PLA2G5: variants seen among roughly 807,000 people sequenced by gnomAD.
PLA2G5 encodes the protein phospholipase A2 group V, also known as Ca2+-dependent phospholipase A2.
PLA2G5 carries 12 observed loss-of-function variants against 15.9 expected under a neutral mutation model. The observed-to-expected ratio is 0.76, with a 90% CI of 0.48 to 1.23. The LOEUF is 1.23. Among genes scored for constraint, PLA2G5 ranks in the 50% most tolerant of loss-of-function variants. The pLI, the probability that PLA2G5 is intolerant of heterozygous loss-of-function variation, is 0.00. For synonymous variants in PLA2G5, 71 were observed against 71.4 expected (o/e 0.99, Z 0.03); for missense variants, 169 against 177.1 (o/e 0.95, Z 0.26).
chr1:20,088,472 T>G (rs1476836676), intron 3 of PLA2G5, among the ~76,000 whole-genome samples: 1 of 137,144 alleles, frequency 7.3e-6, no homozygotes, highest in Non-Finnish European at 1.5e-5. Flanking sequence ...AATTATGGCT[T>G]TTTTTTTTTT....
rs1401778121 is a variant in PLA2G5, at chr1:20,086,160, AAC to A, written c.119_120del (p.Asn40IlefsTer28). On this transcript the variant is annotated frameshift_variant, in exon 3 of 5. Transcript: ENST00000375108. LOFTEE classifies it high-confidence loss of function. ...EKVTGKNALT[N>X]YGFYGCYCGW... The stretch of plus-strand genomic sequence containing the variant: ...GGTGACAGGGAAGAACGCCCTGACA[AAC>A]TACGGCTTCTACGGCTGTTACTGCG... 2 of 1,614,116 alleles carry A rather than the reference AAC, an allele frequency of 1.2e-6. No homozygotes were observed. The highest frequency in any genetic ancestry group is 1.7e-6 in the Non-Finnish European group (2 of 1,180,000).
intron 3 of PLA2G5, among the ~76,000 whole-genome samples, chr1:20,087,210 T>C (rs2016335266): frequency 6.6e-6 from 1 of 152,134 alleles, no homozygotes; most frequent in South Asian, 2.1e-4. Flanking sequence ...GAGAAAATGG[T>C]GTTTCCTCTG....
At chr1:20,085,614 G>C (rs1387740671) in intron 2 of PLA2G5, among the ~76,000 whole-genome samples, 1 of 152,184 alleles carries the variant, frequency 6.6e-6, no homozygotes, top group African/African-American at 2.4e-5. Context: ...GGGGAAGAGG[G>C]ATGTATTGCC....
At chr1:20,084,123 A>T (rs2016168743) in intron 1 of PLA2G5, among the ~76,000 whole-genome samples, 1 of 152,124 alleles carries the variant, frequency 6.6e-6, no homozygotes, top group Admixed American at 6.5e-5. Flanking sequence ...CTACAAAGGC[A>T]AAAGCGCTTG....
chr1:20,060,270 T>TG lies in PLA2G5; in HGVS notation n.337+578_337+579insG, dbSNP rs1287977420. 1.6e-3 allele frequency among the ~76,000 whole-genome samples: 223 copies of TG among 135,224 alleles called. No individual in the cohort carries two copies. The South Asian group carries it at 0.024, about 15-fold the overall frequency. The allele number at this position is 135,224 out of a possible 152,430, so 88.7% of individuals were successfully genotyped here. On this transcript the variant is annotated intron_variant and non_coding_transcript_variant, in intron 2 of 6. Transcript: ENST00000460175. ...TTCTTTTTTTTTTTTTTTTTTTTTTTTGAGACAGAGTCTCACTCTGTCACC... is the reference window on the plus strand; with the variant it reads ...TTCTTTTTTTTTTTTTTTTTTTTTTTGTGAGACAGAGTCTCACTCTGTCACC...
At chr1:20,068,634 A>T (rs1365428661), upstream of PLA2G5, among the ~76,000 whole-genome samples, 2 of 151,936 alleles carry the variant, frequency 1.3e-5, no homozygotes, top group Non-Finnish European at 1.5e-5. Flanking sequence ...TATTTTTAGT[A>T]GAGACGGGGT....
chr1:20,030,426 C>T (rs1390454621), intron 1 of PLA2G5, among the ~76,000 whole-genome samples: 1 of 152,144 alleles, frequency 6.6e-6, no homozygotes, highest in Non-Finnish European at 1.5e-5. Context: ...CAGCATGTCT[C>T]ACCTCCAGCC....
At chr1:20,079,637 G>A (rs1182050630) in intron 1 of PLA2G5, among the ~76,000 whole-genome samples, 1 of 152,160 alleles carries the variant, frequency 6.6e-6, no homozygotes, top group Admixed American at 6.5e-5. Flanking sequence ...GAGCCTCCCA[G>A]GGTGAGCCAT....
At chr1:20,071,409 A>T (rs1325580830) in intron 1 of PLA2G5, among the ~76,000 whole-genome samples, 3 of 152,160 alleles carry the variant, frequency 2.0e-5, no homozygotes, top group East Asian at 3.9e-4. Context: ...GATTGATTTC[A>T]TCAATAAATA....
chr1:20,072,503 G>T (rs967280918), intron 1 of PLA2G5, among the ~76,000 whole-genome samples: 4 of 152,166 alleles, frequency 2.6e-5, no homozygotes, highest in Non-Finnish European at 4.4e-5. Flanking sequence ...GAGAGACAGA[G>T]AAAGAGAGAG....
chr1:20,086,924 T>A (rs2016322384), intron 3 of PLA2G5, among the ~76,000 whole-genome samples: 1 of 152,192 alleles, frequency 6.6e-6, no homozygotes. Flanking sequence ...GGTTAACAAT[T>A]CTGATACTGC....
At chr1:20,055,308 G>A (rs1035628367) in intron 1 of PLA2G5, among the ~76,000 whole-genome samples, 2 of 152,226 alleles carry the variant, frequency 1.3e-5, no homozygotes, top group African/African-American at 4.8e-5. Context: ...CTAGATTAGA[G>A]TGGGCCAACA....
chr1:20,033,422 C>T (rs2013077273), intron 1 of PLA2G5, among the ~76,000 whole-genome samples: 1 of 152,092 alleles, frequency 6.6e-6, no homozygotes, highest in African/African-American at 2.4e-5. Flanking sequence ...AGAGGGTTAC[C>T]TATGAATAAG....
rs1337082146 is a variant in PLA2G5 at position 20,044,368 on chromosome 1, GT to G, written n.277-15263del. Among the ~76,000 whole-genome samples, 783 of 113,808 alleles carry G rather than the reference GT, an allele frequency of 6.9e-3. 4 individuals are homozygous for G. Among genetic ancestry groups the G allele is most frequent in the African/African-American group, 0.021 (745 of 35,646 alleles). The allele number at this position is 113,808 out of a possible 152,430, so 74.7% of individuals were successfully genotyped here. ...AAGGCAAGGATGATTAATTCCTGTT[GT>G]GGGGGGGGTTTGAGGTCTGGATTCT... On this transcript the variant is annotated intron_variant and non_coding_transcript_variant, in intron 1 of 6. Coordinates refer to the PLA2G5 transcript ENST00000460175.
chr1:20,060,334 A>G (rs997258925), intron 2 of PLA2G5, among the ~76,000 whole-genome samples: 3 of 140,660 alleles, frequency 2.1e-5, no homozygotes, highest in Non-Finnish European at 4.5e-5. Flanking sequence ...GCTCACTGCA[A>G]CCTCTGCCTC....
intron 1 of PLA2G5, among the ~76,000 whole-genome samples, chr1:20,073,610 C>T (rs554615491): frequency 1.1e-4 from 17 of 152,244 alleles, no homozygotes; most frequent in African/African-American, 2.2e-4. Flanking sequence ...GGGCCGGGTG[C>T]GGTGGCTGAC....
At chr1:20,031,123 A>T (rs1414118073) in intron 1 of PLA2G5, among the ~76,000 whole-genome samples, 1 of 152,118 alleles carries the variant, frequency 6.6e-6, no homozygotes, top group African/African-American at 2.4e-5. Context: ...GGGTTTTTGT[A>T]ATTAATAGCC....
At chr1:20,077,378 C>T in intron 1 of PLA2G5, among the ~76,000 whole-genome samples, 1 of 152,304 alleles carries the variant, frequency 6.6e-6, no homozygotes, top group East Asian at 1.9e-4. Context: ...TCTATCCATC[C>T]ATCCATCTCT....
Position 20,070,379 on chromosome 1 carries a change from C to G in PLA2G5, c.-97C>G, listed in dbSNP as rs936335026. 26 of 985,324 alleles carry G rather than the reference C, an allele frequency of 2.6e-5. No homozygotes were observed. The highest frequency in any genetic ancestry group is 2.9e-5 in the Non-Finnish European group (24 of 829,948). 61.0% of individuals were successfully genotyped at this position (985,324 alleles called of 1,614,324 possible). A position where few individuals can be genotyped will look rare whatever the true frequency, so the allele number is the denominator to read the frequency against. On this transcript the variant is annotated 5_prime_UTR_variant, in exon 1 of 5. Transcript: ENST00000375108. Reference sequence around the variant, plus strand: ...ATGTTCCGACTGGAGACGGGGAGCCCGCGAGACCCGGGTCTCCAGGGTCTG... The same window carrying G: ...ATGTTCCGACTGGAGACGGGGAGCCGGCGAGACCCGGGTCTCCAGGGTCTG...
Sources: gnomAD v4.1 joint callset for allele counts (sites outside exome capture counted in the v4.1 genomes callset) on GRCh38, gnomAD v4.1.1 for gene constraint, MANE v1.5 for transcripts, NCBI Gene and HGNC (gene_info 2026-07-23, HGNC 2026-07-21) for gene names.